Variants in ELMO1 observed in about 807,000 individuals in gnomAD.
The protein encoded by ELMO1 is engulfment and cell motility protein 1.
A neutral mutation model predicts 98.9 loss-of-function variants in ELMO1; 26 were observed. The ratio of observed to expected loss-of-function variants is 0.26; its 90% CI spans 0.19 to 0.36. ELMO1 has a LOEUF of 0.36. Ranked by LOEUF, ELMO1 falls within the 10% of genes least tolerant of loss-of-function variation. The pLI is 1.00. For synonymous variants in ELMO1, 346 were observed against 346.0 expected, an observed-to-expected ratio of 1.00 and a Z score of 0.00; for missense variants, 627 against 935.2, an observed-to-expected ratio of 0.67 and a Z score of 4.30.
intron 16 of ELMO1, among the ~76,000 whole-genome samples, chr7:36,973,285 T>A (rs538239179): frequency 9.2e-5 from 14 of 152,292 alleles, no homozygotes; most frequent in African/African-American, 2.6e-4. Flanking sequence ...GTTCTTTTTC[T>A]CCCCTAGCTG....
At chr7:36,909,820 C>T (rs533742835) in intron 16 of ELMO1, among the ~76,000 whole-genome samples, 4 of 152,248 alleles carry the variant, frequency 2.6e-5, no homozygotes, top group Admixed American at 6.5e-5. Context: ...ACCATATTGT[C>T]CCAAAGTACT....
intron 13 of ELMO1, among the ~76,000 whole-genome samples, chr7:37,167,208 C>T (rs1412406525): frequency 6.6e-6 from 1 of 151,864 alleles, no homozygotes; most frequent in African/African-American, 2.4e-5. Flanking sequence ...TTCCTCCATC[C>T]CTTTATTTTG....
chr7:37,225,271 C>A (rs1430985642), intron 8 of ELMO1, among the ~76,000 whole-genome samples: 1 of 152,170 alleles, frequency 6.6e-6, no homozygotes, highest in African/African-American at 2.4e-5. Context: ...AAAAAAGACA[C>A]ACCTCCAAGG....
intron 13 of ELMO1, among the ~76,000 whole-genome samples, chr7:37,202,945 A>G (rs1390431240): frequency 6.6e-6 from 1 of 152,140 alleles, no homozygotes; most frequent in Non-Finnish European, 1.5e-5. Flanking sequence ...CCCCTCCCCA[A>G]GAACCCACAA....
At chr7:37,393,908 G>C (rs1803183078) in intron 1 of ELMO1, 2 of 152,156 alleles carry the variant, frequency 1.3e-5, no homozygotes, top group African/African-American at 4.8e-5. Flanking sequence ...AGTGCTCCCT[G>C]CTCTGCCCCC....
chr7:37,393,510 G>A (rs529608692), intron 1 of ELMO1, among the ~76,000 whole-genome samples: 2 of 152,148 alleles, frequency 1.3e-5, no homozygotes, highest in Non-Finnish European at 2.9e-5. Flanking sequence ...GCTTTAAGCT[G>A]TTGTGTCTCT....
intron 16 of ELMO1, among the ~76,000 whole-genome samples, chr7:36,964,672 C>G (rs1033638863): frequency 8.6e-5 from 13 of 151,982 alleles, no homozygotes; most frequent in African/African-American, 3.1e-4. Flanking sequence ...TCTACTCTGG[C>G]TTTTAAAATT....
chr7:36,880,884 T>C (rs1804398051), intron 18 of ELMO1, among the ~76,000 whole-genome samples: 1 of 152,206 alleles, frequency 6.6e-6, no homozygotes, highest in Admixed American at 6.5e-5. Flanking sequence ...TGATGTTTGT[T>C]TAAAGAAAAC....
At chr7:36,916,475 T>C (rs1260051384) in intron 16 of ELMO1, among the ~76,000 whole-genome samples, 1 of 152,250 alleles carries the variant, frequency 6.6e-6, no homozygotes, top group Non-Finnish European at 1.5e-5. Context: ...TTTTCCAAAA[T>C]GTAAAACACT....
At chr7:37,370,312 G>T (rs1583639125) in intron 1 of ELMO1, among the ~76,000 whole-genome samples, 1 of 151,620 alleles carries the variant, frequency 6.6e-6, no homozygotes, top group Non-Finnish European at 1.5e-5. Flanking sequence ...ATTCATTTAC[G>T]GCTCTCCACC....
intron 14 of ELMO1, among the ~76,000 whole-genome samples, chr7:37,106,295 G>C (rs964629919): frequency 6.6e-6 from 1 of 152,102 alleles, no homozygotes; most frequent in Non-Finnish European, 1.5e-5. Context: ...GCCTCTGGGA[G>C]GTGATTAAGT....
chr7:37,151,442 T>A (rs923471762), intron 13 of ELMO1, among the ~76,000 whole-genome samples: 1 of 151,878 alleles, frequency 6.6e-6, no homozygotes, highest in Non-Finnish European at 1.5e-5. Context: ...CTGTAAATAT[T>A]GAGAACTGGG....
chr7:37,033,057 C>A (rs1794964568), intron 15 of ELMO1, among the ~76,000 whole-genome samples: 1 of 152,060 alleles, frequency 6.6e-6, no homozygotes. Flanking sequence ...TGTGTTTTTC[C>A]TTCAGAATAA....
chr7:37,140,845 C>G (rs918790076), intron 13 of ELMO1, among the ~76,000 whole-genome samples: 1 of 152,118 alleles, frequency 6.6e-6, no homozygotes, highest in Non-Finnish European at 1.5e-5. Flanking sequence ...CCACCTGACT[C>G]CTATAAGAAT....
chr7:37,309,847 C>T (rs1314761309), intron 4 of ELMO1, among the ~76,000 whole-genome samples: 2 of 152,248 alleles, frequency 1.3e-5, no homozygotes, highest in Non-Finnish European at 2.9e-5. Flanking sequence ...CCCAGGCCTT[C>T]ATCCTTGCTT....
intron 1 of ELMO1, among the ~76,000 whole-genome samples, chr7:37,445,599 A>G (rs1805582821): frequency 7.5e-6 from 1 of 133,356 alleles, no homozygotes; most frequent in Admixed American, 8.6e-5. Context: ...CAAACACCCA[A>G]AGGGGTTAAA....
chr7:37,004,117 T>C (rs1792880419), intron 16 of ELMO1, among the ~76,000 whole-genome samples: 1 of 152,234 alleles, frequency 6.6e-6, no homozygotes, highest in South Asian at 2.1e-4. Context: ...TCCCACCTAA[T>C]GGTACCCTTC....
At chr7:37,142,143 C>T (rs1368807797) in intron 13 of ELMO1, among the ~76,000 whole-genome samples, 2 of 152,182 alleles carry the variant, frequency 1.3e-5, no homozygotes, top group African/African-American at 2.4e-5. Context: ...AAAAACCATT[C>T]CGCATGTCAA....
intron 4 of ELMO1, among the ~76,000 whole-genome samples, chr7:37,293,580 G>A (rs1797866476): frequency 1.8e-5 from 2 of 111,246 alleles, no homozygotes; most frequent in South Asian, 3.2e-4. Context: ...CACAAACACT[G>A]CGGAAGGCCG....
Sources: allele counts gnomAD v4.1 joint callset (sites outside exome capture counted in the v4.1 genomes callset), GRCh38; gene constraint gnomAD v4.1.1; transcripts MANE v1.5; gene names NCBI Gene and HGNC (gene_info 2026-07-23, HGNC 2026-07-21).